The following ANK3 variants were observed in gnomAD, a reference collection of about 807,000 sequenced individuals.
ANK3 encodes ankyrin 3, also known as ankyrin-3.
Under a neutral mutation model 370.9 loss-of-function variants are expected in ANK3, and 57 were observed. That is an observed-to-expected ratio of 0.15 (90% CI 0.12 to 0.19). ANK3 has a LOEUF of 0.19. ANK3 is among the 10% of genes least tolerant of loss of function. The probability of loss-of-function intolerance (pLI) is 1.00; values close to 1 mark genes in which losing one functional copy is unlikely to be tolerated. For synonymous variants in ANK3, 1,929 were observed against 1,946.3 expected, an observed-to-expected ratio of 0.99 and a Z score of 0.23; for missense variants, 4,439 against 5,302.1, an observed-to-expected ratio of 0.84 and a Z score of 5.06.
At chr10:60,100,416 A>G (rs1565002687) in intron 28 of ANK3, among the ~76,000 whole-genome samples, 1 of 151,812 alleles carries the variant, frequency 6.6e-6, no homozygotes, top group Non-Finnish European at 1.5e-5. Flanking sequence ...ATGACTTAAC[A>G]CTATTGGTCT....
At position 60,073,988 on chromosome 10, in the gene ANK3, G is replaced by A. The variant is rs2083277853; in HGVS notation, c.6893C>T (p.Ser2298Leu). 5.0e-6 allele frequency: 8 copies of A among 1,613,948 alleles called. No homozygotes were observed. Among genetic ancestry groups the A allele is most frequent in the East Asian group, 2.2e-5 (1 of 44,850 alleles). ...KELAGLFEHK[S>L]AVSPDVHKSA... is the part of the protein sequence containing the mutation. ...CTTGTGAACATCTGGAGACACTGCC[G>A]ACTTATGTTCAAACAGACCTGCCAG... The change falls in exon 37 of 44, where the codon TCG becomes TTG. Residue 2298 changes from serine (S) to leucine (L), a missense_variant. Around this residue, in one of 13 missense-constraint regions of ANK3, gnomAD observed 1,601 missense variants for 1,731.7 expected, o/e 0.92. Coordinates refer to ENST00000280772, the MANE Select transcript of ANK3 (RefSeq NM_020987.5).
rs543044414 is a variant in ANK3 at position 60,241,744 on chromosome 10, CT to C, written c.799-6959del. 1.0e-3 allele frequency among the ~76,000 whole-genome samples: 156 copies of C among 152,144 alleles called. 1 individual carries two copies. Among genetic ancestry groups the C allele is most frequent in the African/African-American group, 3.7e-3 (154 of 41,508 alleles). ...TAAGTATACATATGATTAACCAATA[CT>C]TTTTTTTCTCTAGTATTTACTTCTC... On this transcript the variant is annotated intron_variant, in intron 7 of 43. Coordinates refer to ENST00000280772, the MANE Select transcript of ANK3 (RefSeq NM_020987.5).
intron 2 of ANK3, among the ~76,000 whole-genome samples, chr10:60,526,522 T>G (rs1399619605): frequency 6.6e-6 from 1 of 152,130 alleles, no homozygotes; most frequent in Non-Finnish European, 1.5e-5. Flanking sequence ...CAGATCGTTG[T>G]GACAAAACAG....
chr10:60,697,861 A>G (rs1222162807), intron 1 of ANK3, among the ~76,000 whole-genome samples: 2 of 151,670 alleles, frequency 1.3e-5, no homozygotes, highest in Non-Finnish European at 3.0e-5. Context: ...CTTCATGTCT[A>G]AAACACCAAA....
chr10:60,729,900 T>C (rs776984119), intron 1 of ANK3, among the ~76,000 whole-genome samples: 2 of 152,184 alleles, frequency 1.3e-5, no homozygotes, highest in Non-Finnish European at 2.9e-5. Flanking sequence ...TACTTCTATT[T>C]TGGTACCACT....
Position 60,028,470 on chromosome 10 carries a change from T to C in ANK3, c.*1376A>G, listed in dbSNP as rs1181271885. ...ACTAGGTCATCCAGTGTATGGTTTT[T>C]CATACATATGTCATTAGAGCTATGT... On this transcript the variant is annotated 3_prime_UTR_variant, in exon 44 of 44. Coordinates refer to ENST00000280772, the MANE Select transcript of ANK3 (RefSeq NM_020987.5). 4.6e-5 allele frequency: 7 copies of C among 152,692 alleles called. No homozygotes were observed. Among genetic ancestry groups the C allele is most frequent in the Non-Finnish European group, 7.3e-5 (5 of 68,056 alleles). The allele number at this position is 152,692 out of a possible 1,614,324, so 9.5% of individuals were successfully genotyped here. A position where few individuals can be genotyped will look rare whatever the true frequency, so the allele number is the denominator to read the frequency against.
intron 1 of ANK3, among the ~76,000 whole-genome samples, chr10:60,387,073 T>A (rs960818484): frequency 6.6e-6 from 1 of 151,744 alleles, no homozygotes; most frequent in Non-Finnish European, 1.5e-5. Flanking sequence ...GGCAGGAGAA[T>A]CATTTGAAGC....
At chr10:60,246,037 C>T (rs923238590) in intron 7 of ANK3, among the ~76,000 whole-genome samples, 2 of 152,040 alleles carry the variant, frequency 1.3e-5, no homozygotes, top group African/African-American at 4.8e-5. Context: ...AGATGGATTA[C>T]TTGAGGCCAG....
intron 42 of ANK3, among the ~76,000 whole-genome samples, chr10:60,052,836 TAA>T (rs61646753): frequency 6.7e-6 from 1 of 148,840 alleles, no homozygotes; most frequent in Admixed American, 6.7e-5. Flanking sequence ...AGTATTTGTT[TAA>T]AAAAAAAAAT....
At chr10:60,286,553 C>A (rs1390592624) in intron 1 of ANK3, among the ~76,000 whole-genome samples, 1 of 152,124 alleles carries the variant, frequency 6.6e-6, no homozygotes, top group African/African-American at 2.4e-5. Context: ...CATTAATATT[C>A]TGGCACTACT....
At chr10:60,237,394 T>C (rs2097350305) in intron 7 of ANK3, among the ~76,000 whole-genome samples, 1 of 152,082 alleles carries the variant, frequency 6.6e-6, no homozygotes, top group East Asian at 1.9e-4. Flanking sequence ...CACTTCCCAG[T>C]GTGAGTAAGG....
chr10:60,134,957 T>C (rs2094266356), intron 24 of ANK3, among the ~76,000 whole-genome samples: 1 of 152,216 alleles, frequency 6.6e-6, no homozygotes, highest in Admixed American at 6.5e-5. Flanking sequence ...TATTTGGTCT[T>C]TTCTGCAAAT....
chr10:60,378,487 T>A (rs1318844647), intron 1 of ANK3, among the ~76,000 whole-genome samples: 11 of 152,048 alleles, frequency 7.2e-5, no homozygotes, highest in African/African-American at 2.7e-4. Flanking sequence ...GATACTGGCA[T>A]AAAAACAGAC....
At chr10:60,315,690 T>C (rs998047044) in intron 1 of ANK3, among the ~76,000 whole-genome samples, 7 of 152,294 alleles carry the variant, frequency 4.6e-5, no homozygotes, top group South Asian at 2.1e-4. Context: ...TAATTTTTTT[T>C]CCACAGGATT....
chr10:60,339,982 G>T (rs2053881399), intron 1 of ANK3, among the ~76,000 whole-genome samples: 1 of 152,214 alleles, frequency 6.6e-6, no homozygotes, highest in Non-Finnish European at 1.5e-5. Flanking sequence ...CTTGAAATGT[G>T]CAGTGTAGAA....
At chr10:60,575,769 T>C (rs1382777997) in intron 2 of ANK3, among the ~76,000 whole-genome samples, 1 of 152,190 alleles carries the variant, frequency 6.6e-6, no homozygotes, top group Admixed American at 6.5e-5. Flanking sequence ...ATCTTCACTT[T>C]ATAAAATAGG....
At position 60,027,850 on chromosome 10, in the gene ANK3, G is replaced by A. The variant is rs1452735310; in HGVS notation, c.*1996C>T. ...CAGGTTGTACAAATATAAGAAATGA[G>A]GCTGTGGCAGTGATACCTGTAGACC... is the stretch of plus-strand genomic sequence containing the variant. On this transcript the variant is annotated 3_prime_UTR_variant, in exon 44 of 44. Coordinates refer to ENST00000280772, the MANE Select transcript of ANK3 (RefSeq NM_020987.5). The A allele has an allele frequency of 6.6e-6, 1 of 152,186 alleles. No homozygotes were observed. The highest frequency in any genetic ancestry group is 2.4e-5 in the African/African-American group (1 of 41,438). 9.4% of individuals were successfully genotyped at this position (152,186 alleles called of 1,614,324 possible). A position where few individuals can be genotyped will look rare whatever the true frequency, so the allele number is the denominator to read the frequency against.
intron 42 of ANK3, among the ~76,000 whole-genome samples, chr10:60,046,189 A>G (rs1463911585): frequency 1.3e-5 from 2 of 152,218 alleles, no homozygotes; most frequent in Admixed American, 1.3e-4. Context: ...TTTTAATGGC[A>G]GTGTTATTTG....
intron 38 of ANK3, among the ~76,000 whole-genome samples, chr10:60,066,793 CTT>C (rs1402865883): frequency 2.6e-5 from 4 of 152,098 alleles, no homozygotes; most frequent in South Asian, 4.2e-4. Context: ...AAAAAATACA[CTT>C]AACCTATAAA....
Sources: gnomAD v4.1 joint callset for allele counts (sites outside exome capture counted in the v4.1 genomes callset) on GRCh38, gnomAD v4.1.1 for gene constraint, gnomAD v4.1.1 regional missense constraint, MANE v1.5 for transcripts, NCBI Gene and HGNC (gene_info 2026-07-23, HGNC 2026-07-21) for gene names.